Variants in PLCB1 observed in about 807,000 individuals in gnomAD.
PLCB1 encodes the protein 1-phosphatidylinositol 4,5-bisphosphate phosphodiesterase beta-1.
Under a neutral mutation model 161.8 loss-of-function variants are expected in PLCB1, and 46 were observed. The observed-to-expected ratio is 0.28, with a 90% CI of 0.22 to 0.36. The LOEUF (loss-of-function observed/expected upper bound fraction) is 0.36. Among genes scored for constraint, PLCB1 ranks in the 10% least tolerant of loss-of-function variants. PLCB1 has a pLI of 1.00. For synonymous variants in PLCB1, 517 were observed against 503.7 expected (o/e 1.03, Z -0.35); for missense variants, 1,016 against 1,472.5 (o/e 0.69, Z 5.07).
intron 4 of PLCB1, among the ~76,000 whole-genome samples, chr20:8,633,101 T>TACACACACACACACAC (rs58802999): frequency 7.0e-6 from 1 of 142,258 alleles, no homozygotes. Context: ...TGCATGTATG[T>TACACACACACACACAC]ACACACACAC....
intron 3 of PLCB1, among the ~76,000 whole-genome samples, chr20:8,402,866 A>T (rs974580445): frequency 2.0e-4 from 30 of 152,124 alleles, no homozygotes; most frequent in African/African-American, 6.7e-4. Context: ...AAAAAAATTT[A>T]AAAAAAGTTT....
At chr20:8,312,650 G>A (rs6118159) in intron 2 of PLCB1, among the ~76,000 whole-genome samples, 4 of 152,096 alleles carry the variant, frequency 2.6e-5, no homozygotes, top group Non-Finnish European at 4.4e-5. Flanking sequence ...GAAAAAACAA[G>A]GCAAAGCATG....
At chr20:8,389,016 T>C (rs1373991613) in intron 3 of PLCB1, among the ~76,000 whole-genome samples, 5 of 152,188 alleles carry the variant, frequency 3.3e-5, no homozygotes, top group Admixed American at 3.3e-4. Flanking sequence ...CTTTTCTCCC[T>C]GCCCCTTACC....
chr20:8,523,707 C>G (rs1984471471), intron 3 of PLCB1, among the ~76,000 whole-genome samples: 1 of 151,048 alleles, frequency 6.6e-6, no homozygotes, highest in African/African-American at 2.4e-5. Flanking sequence ...TTTAAACCCA[C>G]TAAAAGGGGA....
At chr20:8,579,907 A>G (rs1986780817) in intron 3 of PLCB1, among the ~76,000 whole-genome samples, 1 of 152,190 alleles carries the variant, frequency 6.6e-6, no homozygotes, top group South Asian at 2.1e-4. Context: ...TGTTGTTTCC[A>G]CAGGAACAAA....
intron 3 of PLCB1, among the ~76,000 whole-genome samples, chr20:8,557,912 A>G (rs1986013690): frequency 6.6e-6 from 1 of 151,924 alleles, no homozygotes; most frequent in Non-Finnish European, 1.5e-5. Flanking sequence ...TCCCACTCAC[A>G]GGAAAAAAAT....
intron 3 of PLCB1, among the ~76,000 whole-genome samples, chr20:8,424,618 A>G (rs1979671916): frequency 6.6e-6 from 1 of 152,062 alleles, no homozygotes; most frequent in South Asian, 2.1e-4. Context: ...GTCATCCCCA[A>G]TATCATTTCT....
At chr20:8,793,628 C>T (rs1983876581) in intron 31 of PLCB1, among the ~76,000 whole-genome samples, 2 of 152,052 alleles carry the variant, frequency 1.3e-5, no homozygotes, top group Admixed American at 6.5e-5. Flanking sequence ...GGGTGACAGA[C>T]GAGTACTTAA....
At chr20:8,487,930 G>A (rs866245012) in intron 3 of PLCB1, among the ~76,000 whole-genome samples, 97 of 152,230 alleles carry the variant, frequency 6.4e-4, no homozygotes, top group African/African-American at 2.2e-3. Context: ...TGACTGACTC[G>A]TATGAGGGTG....
intron 9 of PLCB1, among the ~76,000 whole-genome samples, chr20:8,668,703 A>G (rs945784717): frequency 1.3e-5 from 2 of 152,168 alleles, no homozygotes; most frequent in Non-Finnish European, 2.9e-5. Flanking sequence ...GAAAGTGTTA[A>G]TTCTTAGGCC....
intron 31 of PLCB1, among the ~76,000 whole-genome samples, chr20:8,850,195 G>A (rs1187559064): frequency 6.6e-6 from 1 of 152,108 alleles, no homozygotes; most frequent in Non-Finnish European, 1.5e-5. Context: ...ATTAATGTCT[G>A]TCATAGCCAG....
intron 2 of PLCB1, among the ~76,000 whole-genome samples, chr20:8,275,830 C>G (rs959388094): frequency 3.9e-5 from 6 of 152,130 alleles, no homozygotes; most frequent in African/African-American, 1.4e-4. Flanking sequence ...CTAGGCCTAT[C>G]AGAAGGACAT....
At chr20:8,165,309 G>C (rs1203615691) in intron 2 of PLCB1, among the ~76,000 whole-genome samples, 2 of 152,202 alleles carry the variant, frequency 1.3e-5, no homozygotes, top group African/African-American at 4.8e-5. Context: ...TTAATAAACT[G>C]TTGTGCTGCA....
chr20:8,782,656 A>T (rs2146213158), intron 27 of PLCB1, among the ~76,000 whole-genome samples: 1 of 152,226 alleles, frequency 6.6e-6, no homozygotes, highest in East Asian at 1.9e-4. Flanking sequence ...CCTTGTTTTC[A>T]AATTGTTGGT....
intron 3 of PLCB1, among the ~76,000 whole-genome samples, chr20:8,380,139 G>A (rs1312066489): frequency 1.3e-5 from 2 of 152,142 alleles, no homozygotes; most frequent in African/African-American, 4.8e-5. Flanking sequence ...GTTAATTTTT[G>A]TATAAGGTAG....
rs985461899 is a variant in PLCB1, at chr20:8,177,354, C to T, written c.177+26983C>T. 2.0e-5 allele frequency among the ~76,000 whole-genome samples: 3 copies of T among 152,174 alleles called. No individual in the cohort carries two copies. In the East Asian group the frequency reaches 5.8e-4, roughly 29 times the overall value. On this transcript the variant is annotated intron_variant, in intron 2 of 31. Transcript: ENST00000338037. ...GCCAGCATCTTGATCTTGGACTTCT[C>T]AGCCGCCAGAACAGTGAGGAATACA...
intron 31 of PLCB1, among the ~76,000 whole-genome samples, chr20:8,833,577 G>A (rs1986117208): frequency 6.6e-6 from 1 of 152,164 alleles, no homozygotes; most frequent in Non-Finnish European, 1.5e-5. Context: ...TGTCCACAGA[G>A]GCAGAGATTG....
chr20:8,687,406 T>C (rs1317539985), intron 10 of PLCB1, among the ~76,000 whole-genome samples: 2 of 152,184 alleles, frequency 1.3e-5, no homozygotes, highest in Non-Finnish European at 2.9e-5. Flanking sequence ...GTAAGTTCTT[T>C]AGTGGAGATT....
At chr20:8,136,348 CGG>C (rs2051346805) in intron 1 of PLCB1, among the ~76,000 whole-genome samples, 2 of 152,228 alleles carry the variant, frequency 1.3e-5, no homozygotes, top group South Asian at 4.1e-4. Flanking sequence ...TATTGTCGGC[CGG>C]GCGCGGTGGC....
Sources: gnomAD v4.1 joint callset for allele counts (sites outside exome capture counted in the v4.1 genomes callset) on GRCh38, gnomAD v4.1.1 for gene constraint, MANE v1.5 for transcripts, NCBI Gene and HGNC (gene_info 2026-07-23, HGNC 2026-07-21) for gene names.